Variants in MTA3 observed in about 807,000 individuals in gnomAD.
The protein encoded by MTA3 is metastasis associated 1 family member 3, also known as metastasis-associated protein MTA3.
MTA3 carries 34 observed loss-of-function variants against 83.5 expected under a neutral mutation model. That is an observed-to-expected ratio of 0.41 (90% confidence interval 0.31 to 0.54). The LOEUF (loss-of-function observed/expected upper bound fraction) is 0.54, where lower values mean the gene tolerates loss of function less well. Ranked by LOEUF, MTA3 falls within the 20% of genes least tolerant of loss-of-function variation. MTA3 has a pLI of 0.33. For synonymous variants in MTA3, 303 were observed against 252.7 expected (o/e 1.20, Z -1.89); for missense variants, 761 against 726.4 (o/e 1.05, Z -0.55).
At chr2:42,613,136 T>C (rs1418625685) in intron 4 of MTA3, among the ~76,000 whole-genome samples, 1 of 152,212 alleles carries the variant, frequency 6.6e-6, no homozygotes, top group African/African-American at 2.4e-5. Flanking sequence ...CACTTCTTTG[T>C]TGAACATAGA....
intron 3 of MTA3, among the ~76,000 whole-genome samples, chr2:42,590,774 C>T (rs1284864796): frequency 2.0e-5 from 3 of 152,006 alleles, no homozygotes; most frequent in African/African-American, 7.3e-5. Context: ...GTGTGCACCA[C>T]CATGCCTGGC....
chr2:42,697,567 G>A (rs1693499901), intron 10 of MTA3, among the ~76,000 whole-genome samples: 2 of 152,138 alleles, frequency 1.3e-5, no homozygotes, highest in South Asian at 4.1e-4. Context: ...GCCTAAAATT[G>A]TATTAATACT....
intron 3 of MTA3, among the ~76,000 whole-genome samples, chr2:42,586,476 A>AG (rs1680300963): frequency 3.6e-5 from 3 of 84,506 alleles, no homozygotes; most frequent in African/African-American, 1.3e-4. Flanking sequence ...GAAGGAAGGA[A>AG]AACACACACA....
intron 4 of MTA3, among the ~76,000 whole-genome samples, chr2:42,616,705 C>A (rs7570996): frequency 0.78 from 117,402 of 150,398 alleles, 46,589 homozygotes; most frequent in African/African-American, 0.92. Context: ...TAGCCTCCTG[C>A]ATAGCTAGGA....
chr2:42,546,704 A>G (rs903643984), intron 2 of MTA3, among the ~76,000 whole-genome samples: 5 of 152,168 alleles, frequency 3.3e-5, no homozygotes, highest in Admixed American at 1.3e-4. Context: ...CATGCACTCT[A>G]TTTAGAGGCA....
chr2:42,509,037 G>C (rs772487340), intron 2 of MTA3, among the ~76,000 whole-genome samples: 16 of 151,584 alleles, frequency 1.1e-4, no homozygotes, highest in Non-Finnish European at 1.3e-4. Context: ...CCTGTTACTT[G>C]TTTTTGTTGT....
intron 2 of MTA3, among the ~76,000 whole-genome samples, chr2:42,518,958 C>A (rs1675283421): frequency 2.3e-5 from 3 of 133,298 alleles, no homozygotes; most frequent in East Asian, 4.9e-4. Flanking sequence ...AGAGTGAGAC[C>A]CTTTCTCAAA....
intron 2 of MTA3, among the ~76,000 whole-genome samples, chr2:42,554,945 G>A (rs543877311): frequency 6.6e-6 from 1 of 152,114 alleles, no homozygotes; most frequent in Non-Finnish European, 1.5e-5. Flanking sequence ...GATGTCAGGA[G>A]TTTGAGACCA....
chr2:42,746,063 T>C (rs373480981), intron 16 of MTA3, among the ~76,000 whole-genome samples: 2 of 152,176 alleles, frequency 1.3e-5, no homozygotes, highest in African/African-American at 2.4e-5. Flanking sequence ...CCACCCGCCT[T>C]GGCCTCCTAA....
intron 3 of MTA3, among the ~76,000 whole-genome samples, chr2:42,604,414 A>G (rs1682974430): frequency 6.6e-6 from 1 of 152,190 alleles, no homozygotes; most frequent in African/African-American, 2.4e-5. Context: ...TTTGAAAAGC[A>G]CTGGAATGAA....
intron 2 of MTA3, among the ~76,000 whole-genome samples, chr2:42,525,532 TC>T (rs1268709938): frequency 3.5e-5 from 5 of 143,886 alleles, no homozygotes; most frequent in African/African-American, 5.1e-5. Context: ...CTTCCTTCCT[TC>T]CCCTTCCTTC....
intron 4 of MTA3, among the ~76,000 whole-genome samples, chr2:42,623,351 C>T (rs1217559088): frequency 6.6e-6 from 1 of 152,178 alleles, no homozygotes; most frequent in Non-Finnish European, 1.5e-5. Flanking sequence ...GTAAAACCTG[C>T]ATGCTTTTTA....
At chr2:42,538,709 T>TAA (rs74857025) in intron 2 of MTA3, among the ~76,000 whole-genome samples, 50 of 75,454 alleles carry the variant, frequency 6.6e-4, no homozygotes, top group Non-Finnish European at 9.8e-4. Flanking sequence ...TGACTCTTTC[T>TAA]AAAAAAAAAA....
At chr2:42,692,656 G>C (rs1331293859) in intron 9 of MTA3, among the ~76,000 whole-genome samples, 1 of 152,014 alleles carries the variant, frequency 6.6e-6, no homozygotes, top group Non-Finnish European at 1.5e-5. Flanking sequence ...CGAACTCCTG[G>C]CCTTACGTGA....
At chr2:42,695,432 C>T (rs527766742) in intron 9 of MTA3, among the ~76,000 whole-genome samples, 3 of 151,504 alleles carry the variant, frequency 2.0e-5, no homozygotes, top group African/African-American at 2.4e-5. Context: ...GTTAGGAGTT[C>T]GAGACCAGCC....
chr2:42,666,173 A>T (rs558397571), intron 8 of MTA3, among the ~76,000 whole-genome samples: 2 of 152,110 alleles, frequency 1.3e-5, no homozygotes, highest in Non-Finnish European at 2.9e-5. Flanking sequence ...GCTACTCGGG[A>T]GGCTGAGGCA....
intron 4 of MTA3, among the ~76,000 whole-genome samples, chr2:42,622,370 C>CGAAGCT (rs1685661595): frequency 2.6e-5 from 3 of 115,596 alleles, no homozygotes; most frequent in African/African-American, 6.6e-5. Context: ...CGTCCAGCTT[C>CGAAGCT]GGCTCGGCAT....
chr2:42,570,133 C>T (rs926816046), intron 1 of MTA3, among the ~76,000 whole-genome samples: 1 of 152,158 alleles, frequency 6.6e-6, no homozygotes, highest in Non-Finnish European at 1.5e-5. Context: ...GTTTAGCGTG[C>T]CCTGACTACA....
chr2:42,519,603 C>G (rs1468769991), intron 2 of MTA3, among the ~76,000 whole-genome samples: 1 of 140,256 alleles, frequency 7.1e-6, no homozygotes, highest in Non-Finnish European at 1.5e-5. Context: ...GAGACTCTGT[C>G]TCAAAAAAAA....
Sources: gnomAD v4.1 joint callset for allele counts (sites outside exome capture counted in the v4.1 genomes callset) on GRCh38, gnomAD v4.1.1 for gene constraint, MANE v1.5 for transcripts, NCBI Gene and HGNC (gene_info 2026-07-23, HGNC 2026-07-21) for gene names.